Variants in PPFIA1 observed in about 807,000 individuals in gnomAD.
PPFIA1 encodes the protein liprin-alpha-1.
A neutral mutation model predicts 149.9 loss-of-function variants in PPFIA1; 25 were observed. The ratio of observed to expected loss-of-function variants is 0.17; its 90% confidence interval spans 0.12 to 0.23. PPFIA1 has a LOEUF of 0.23. Ranked by LOEUF, PPFIA1 falls within the 10% of genes least tolerant of loss-of-function variation. PPFIA1 has a pLI of 1.00. For missense variants in PPFIA1, 1,362 were observed against 1,506.5 expected, an observed-to-expected ratio of 0.90 and a Z score of 1.59; for synonymous variants, 549 against 552.8, an observed-to-expected ratio of 0.99 and a Z score of 0.10.
Position 70,382,126 on chromosome 11 carries a change from G to A in PPFIA1, c.3589G>A (p.Val1197Ile), listed in dbSNP as rs771032680. 3.1e-6 allele frequency: 5 copies of A among 1,614,024 alleles called. No individual in the cohort carries two copies. Among genetic ancestry groups the A allele is most frequent in the East Asian group, 2.2e-5 (1 of 44,882 alleles). The change falls in exon 27 of 28, where the codon GTC becomes ATC. Residue 1197 changes from valine (V) to isoleucine (I), a missense_variant. Around this residue, in one of 7 missense-constraint regions of PPFIA1, gnomAD observed 349 missense variants for 373.3 expected, o/e 0.93. Transcript: ENST00000253925. ...AACACAGAGGTTGGATTCTGCTACA[G>A]TCAGGACTTACTCCTGCTAAAGTCT... is the stretch of plus-strand genomic sequence containing the variant. ...SGTQRLDSAT[V>I]RTYSC is the part of the protein sequence containing the mutation.
At chr11:70,369,584 A>G (rs2057126946) in intron 21 of PPFIA1, among the ~76,000 whole-genome samples, 1 of 152,182 alleles carries the variant, frequency 6.6e-6, no homozygotes, top group African/African-American at 2.4e-5. Flanking sequence ...TCACCAGTGA[A>G]GCTATCTTGG....
At chr11:70,315,060 C>A (rs2053518521) in intron 2 of PPFIA1, among the ~76,000 whole-genome samples, 1 of 152,160 alleles carries the variant, frequency 6.6e-6, no homozygotes, top group African/African-American at 2.4e-5. Flanking sequence ...GGGTAACCGC[C>A]CTCATGATCC....
chr11:70,301,157 C>G (rs2052463086), intron 2 of PPFIA1, among the ~76,000 whole-genome samples: 3 of 152,200 alleles, frequency 2.0e-5, no homozygotes, highest in African/African-American at 7.2e-5. Context: ...GTTTTGCCAT[C>G]TATAAAATCT....
At chr11:70,274,717 CTA>C (rs1267931690) in intron 2 of PPFIA1, among the ~76,000 whole-genome samples, 1 of 151,838 alleles carries the variant, frequency 6.6e-6, no homozygotes, top group Non-Finnish European at 1.5e-5. Context: ...GTGCAGATGT[CTA>C]TAAACTTTTT....
Position 70,330,292 on chromosome 11 carries a change from T to A in PPFIA1, c.1050T>A (p.Ile350=). 6.3e-7 allele frequency: 1 copy of A among 1,586,682 alleles called. No individual in the cohort carries two copies. ...TCAATGATAAACTTGAAAATGAAATTGCAAATAAAGATTCTATGCATCGAC... is the reference window on the plus strand; with the variant it reads ...TCAATGATAAACTTGAAAATGAAATAGCAAATAAAGATTCTATGCATCGAC... ...HDLNDKLENE[I]ANKDSMHRQT... is the part of the protein sequence containing the mutation. The change falls in exon 8 of 28, where the codon ATT becomes ATA. Residue 350 remains isoleucine, a synonymous_variant. Coordinates refer to ENST00000253925, the MANE Select transcript of PPFIA1 (RefSeq NM_003626.5).
At chr11:70,316,407 A>G (rs56176527) in intron 2 of PPFIA1, among the ~76,000 whole-genome samples, 33,331 of 152,190 alleles carry the variant, frequency 0.22, 5,570 homozygotes, top group African/African-American at 0.46. Flanking sequence ...ATAATATTCC[A>G]CTGAGTGAAG....
At chr11:70,280,636 C>G (rs1231525039) in intron 2 of PPFIA1, among the ~76,000 whole-genome samples, 1 of 152,194 alleles carries the variant, frequency 6.6e-6, no homozygotes, top group Non-Finnish European at 1.5e-5. Flanking sequence ...CGCGTGATCA[C>G]TGTTCACTGC....
chr11:70,305,630 A>G (rs911630011), intron 2 of PPFIA1, among the ~76,000 whole-genome samples: 3 of 152,136 alleles, frequency 2.0e-5, no homozygotes, highest in Non-Finnish European at 2.9e-5. Context: ...CTCAGCTCCC[A>G]AAGTGTTGGG....
intron 2 of PPFIA1, among the ~76,000 whole-genome samples, chr11:70,277,075 G>T (rs1402709535): frequency 1.6e-5 from 1 of 64,240 alleles, no homozygotes. Flanking sequence ...TTTTTTTCCA[G>T]GCACAGTCTC....
intron 8 of PPFIA1, among the ~76,000 whole-genome samples, chr11:70,331,671 T>C (rs1452781766): frequency 6.6e-6 from 1 of 151,822 alleles, no homozygotes; most frequent in East Asian, 2.0e-4. Flanking sequence ...TTGCAGCTAC[T>C]CAGGAGGCTG....
intron 19 of PPFIA1, among the ~76,000 whole-genome samples, chr11:70,359,157 C>T (rs2056509396): frequency 6.6e-6 from 1 of 152,122 alleles, no homozygotes; most frequent in African/African-American, 2.4e-5. Context: ...TGCAGTGGCG[C>T]GTTCACCACT....
chr11:70,282,008 C>T (rs1342944779), intron 2 of PPFIA1, among the ~76,000 whole-genome samples: 1 of 151,748 alleles, frequency 6.6e-6, no homozygotes, highest in Non-Finnish European at 1.5e-5. Flanking sequence ...AACCCACTCA[C>T]CTCGCTTAGG....
At chr11:70,338,545 G>A in intron 13 of PPFIA1, 92 bp downstream of exon 13, 2 of 1,013,336 alleles carry the variant, frequency 2.0e-6, no homozygotes, top group Non-Finnish European at 3.0e-6. Context: ...TGTGGCTAAT[G>A]GTGTGACCTC....
chr11:70,294,707 G>A (rs1229138042), intron 2 of PPFIA1, among the ~76,000 whole-genome samples: 2 of 151,842 alleles, frequency 1.3e-5, no homozygotes, highest in African/African-American at 2.4e-5. Context: ...GTGGCCTTCC[G>A]CAGTGTTTGT....
At chr11:70,318,945 A>C (rs2136673677) in intron 2 of PPFIA1, among the ~76,000 whole-genome samples, 1 of 152,322 alleles carries the variant, frequency 6.6e-6, no homozygotes, top group Admixed American at 6.5e-5. Flanking sequence ...CCCTCCACCC[A>C]GGGCCTCACT....
chr11:70,355,770 A>C lies in PPFIA1; in HGVS notation c.2447A>C (p.Lys816Thr). 6.2e-7 allele frequency: 1 copy of C among 1,613,778 alleles called. No individual in the cohort carries two copies. Among genetic ancestry groups the C allele is most frequent in the East Asian group, 2.2e-5 (1 of 44,870 alleles). Residue 816 changes from lysine (K) to threonine (T), a missense_variant, in exon 18 of 28, where the codon AAG becomes ACG. By Grantham distance (78) the Lys-to-Thr change is moderately conservative. Coordinates refer to ENST00000253925, the MANE Select transcript of PPFIA1 (RefSeq NM_003626.5). ...GGCCGCTTGTTTGGCAAGAAAGAAA[A>C]GGGCCGACCTGGACAAACTGGCAAA... ...SIGRLFGKKE[K>T]GRPGQTGKEA... is the part of the protein sequence containing the mutation.
At position 70,383,609 on chromosome 11, in the gene PPFIA1, T is replaced by G. The variant is rs1034364515; in HGVS notation, c.*619T>G. 6.5e-6 allele frequency: 1 copy of G among 154,912 alleles called. No homozygotes were observed. The highest frequency in any genetic ancestry group is 1.4e-5 in the Non-Finnish European group (1 of 70,246). The allele number at this position is 154,912 out of a possible 1,614,324, so 9.6% of individuals were successfully genotyped here. ...TTCTGCAGCATGAACAGATTTAAAA[T>G]GGCTGGTGTTAAATATCAGCTCCTA... On this transcript the variant is annotated 3_prime_UTR_variant, in exon 28 of 28. Coordinates refer to ENST00000253925, the MANE Select transcript of PPFIA1 (RefSeq NM_003626.5).
intron 2 of PPFIA1, among the ~76,000 whole-genome samples, chr11:70,302,679 T>A (rs962309409): frequency 6.6e-6 from 1 of 152,214 alleles, no homozygotes; most frequent in Admixed American, 6.5e-5. Flanking sequence ...AGCTGTATGG[T>A]CTCGAACACT....
chr11:70,301,102 G>C (rs1040001767), intron 2 of PPFIA1, among the ~76,000 whole-genome samples: 1 of 152,104 alleles, frequency 6.6e-6, no homozygotes. Context: ...GGTCCTCTGC[G>C]TACCAATTTT....
Sources: allele counts gnomAD v4.1 joint callset (sites outside exome capture counted in the v4.1 genomes callset), GRCh38; gene constraint gnomAD v4.1.1; regional missense constraint gnomAD v4.1.1; transcripts MANE v1.5; gene names NCBI Gene and HGNC (gene_info 2026-07-23, HGNC 2026-07-21).